Variants in PCDHAC1 observed in about 807,000 individuals in gnomAD.
PCDHAC1 encodes the protein protocadherin alpha subfamily C, 1.
A neutral mutation model predicts 60.0 loss-of-function variants in PCDHAC1; 42 were observed. The ratio of observed to expected loss-of-function variants is 0.70; its 90% CI spans 0.55 to 0.90. The LOEUF (loss-of-function observed/expected upper bound fraction) is 0.90, where lower values mean the gene tolerates loss of function less well. PCDHAC1 is among the 40% of genes least tolerant of loss of function. The probability of loss-of-function intolerance (pLI) is 0.00; values close to 1 mark genes in which losing one functional copy is unlikely to be tolerated. For missense variants in PCDHAC1, 1,160 were observed against 1,222.3 expected (o/e 0.95, Z 0.76); for synonymous variants, 468 against 499.3 (o/e 0.94, Z 0.84).
chr5:140,958,162 C>A lies in PCDHAC1; in HGVS notation c.2434-20787C>A, dbSNP rs574337485. Among the ~76,000 whole-genome samples the A allele has an allele frequency of 1.1e-4, 16 of 152,028 alleles. No homozygotes were observed. The South Asian group carries it at 3.3e-3, about 32-fold the overall frequency. Reference sequence around the variant, plus strand: ...ATATTTATATAGCATAGTCAAAAGCCTGGAGTGATATAAATTTTCTGTTAC... The same window carrying A: ...ATATTTATATAGCATAGTCAAAAGCATGGAGTGATATAAATTTTCTGTTAC... On this transcript the variant is annotated intron_variant, in intron 1 of 3. Coordinates refer to ENST00000253807, the MANE Select transcript of PCDHAC1 (RefSeq NM_018898.5).
rs782226531 is a variant in PCDHAC1, at chr5:140,928,688, A to G, written c.1796A>G (p.His599Arg). 6 of 1,614,004 alleles carry G rather than the reference A, an allele frequency of 3.7e-6. No homozygotes were observed. The African/African-American group carries it at 4.0e-5, about 11-fold the overall frequency. The stretch of plus-strand genomic sequence containing the variant: ...GGTTCTAATGCCTGGCTTTCCTACC[A>G]CATCTCCCGGGCGTCTGACTCTAGT... ...DSGSNAWLSY[H>R]ISRASDSSLF... is the part of the protein sequence containing the mutation. The change falls in exon 1 of 4, where the codon CAC becomes CGC. Residue 599 changes from histidine (H) to arginine (R), a missense_variant. Physicochemically the swap from His to Arg is conservative, Grantham distance 29 (BLOSUM62 0). This residue lies in a region of PCDHAC1 where 1,113 missense variants were observed against 1,163.7 expected (regional missense o/e 0.96). Transcript: ENST00000253807.
intron 1 of PCDHAC1, among the ~76,000 whole-genome samples, chr5:140,956,062 T>G (rs2153708941): frequency 6.6e-6 from 1 of 152,228 alleles, no homozygotes; most frequent in South Asian, 2.1e-4. Flanking sequence ...GACAATGGGG[T>G]TTTCCAGATA....
Position 140,962,743 on chromosome 5 carries a change from A to T in PCDHAC1, c.2434-16206A>T, listed in dbSNP as rs1298793627. 2.0e-5 allele frequency among the ~76,000 whole-genome samples: 3 copies of T among 152,324 alleles called. No individual in the cohort carries two copies. The East Asian group carries it at 5.8e-4, about 29-fold the overall frequency. On this transcript the variant is annotated intron_variant, in intron 1 of 3. Coordinates refer to ENST00000253807, the MANE Select transcript of PCDHAC1 (RefSeq NM_018898.5). Reference sequence around the variant, plus strand: ...ATTTTCCTTCTGGGGATGCATGAAGATCAGGAATCCTATTCGTTTTTAACA... The same window carrying T: ...ATTTTCCTTCTGGGGATGCATGAAGTTCAGGAATCCTATTCGTTTTTAACA...
chr5:140,931,864 T>G (rs1554208617), intron 1 of PCDHAC1, among the ~76,000 whole-genome samples: 1 of 151,976 alleles, frequency 6.6e-6, no homozygotes, highest in African/African-American at 2.4e-5. Flanking sequence ...ATTCTAGAAA[T>G]AAAATATTTA....
chr5:141,006,750 G>A (rs1233243147), intron 3 of PCDHAC1, among the ~76,000 whole-genome samples: 1 of 152,122 alleles, frequency 6.6e-6, no homozygotes, highest in African/African-American at 2.4e-5. Flanking sequence ...TATTATAAAT[G>A]GAGAATGAAG....
intron 2 of PCDHAC1, among the ~76,000 whole-genome samples, chr5:140,979,661 GTCTC>G (rs2096859733): frequency 6.6e-6 from 1 of 152,146 alleles, no homozygotes; most frequent in South Asian, 2.1e-4. Context: ...TCTCTACTTT[GTCTC>G]TCTGACAGTA....
chr5:141,001,401 G>A (rs190876782), intron 3 of PCDHAC1, among the ~76,000 whole-genome samples: 12 of 152,314 alleles, frequency 7.9e-5, no homozygotes, highest in African/African-American at 2.4e-4. Context: ...AGAGAACAGG[G>A]AGTATATTTT....
In PCDHAC1 at chr5:141,009,987, A is replaced by C. The variant is rs2154001821; in HGVS notation, c.*50A>C. The C allele has an allele frequency of 6.3e-7, 1 of 1,580,396 alleles. No individual in the cohort carries two copies. Among genetic ancestry groups the C allele is most frequent in the East Asian group, 2.2e-5 (1 of 44,670 alleles). On this transcript the variant is annotated 3_prime_UTR_variant, in exon 4 of 4. Coordinates refer to ENST00000253807, the MANE Select transcript of PCDHAC1 (RefSeq NM_018898.5). The stretch of plus-strand genomic sequence containing the variant: ...TTAGCCAGTTTTTGTAATAATGGCA[A>C]ATCTCTCCCATGTAGCAATTCCCTG...
In PCDHAC1 at chr5:140,937,565, T is replaced by C. The variant is rs528061401; in HGVS notation, c.2433+8240T>C. ...CTGCGAGGCAGAGGTTGCAGTGAGC[T>C]GGGATCGCGTCACTGCACTCTAGCC... On this transcript the variant is annotated intron_variant, in intron 1 of 3. Transcript: ENST00000253807. Among the ~76,000 whole-genome samples the C allele has an allele frequency of 1.9e-3, 290 of 151,276 alleles. 1 individual carries two copies. The highest frequency in any genetic ancestry group is 6.8e-3 in the African/African-American group (279 of 40,958).
chr5:140,930,055 A>G (rs1249446079), intron 1 of PCDHAC1: 2 of 152,206 alleles, frequency 1.3e-5, no homozygotes, highest in Admixed American at 6.5e-5. Context: ...GTTTTTGCTT[A>G]CACAAAAACT....
intron 1 of PCDHAC1, among the ~76,000 whole-genome samples, chr5:140,941,150 G>A (rs894422349): frequency 1.1e-4 from 17 of 151,436 alleles, no homozygotes; most frequent in Non-Finnish European, 1.8e-4. Context: ...TAGTTTGGAG[G>A]CCCCATAAGA....
Position 140,927,680 on chromosome 5 carries a change from G to T in PCDHAC1, c.788G>T (p.Gly263Val). 1 of 1,614,140 alleles carries T rather than the reference G, an allele frequency of 6.2e-7. No individual in the cohort carries two copies. Among genetic ancestry groups the T allele is most frequent in the Non-Finnish European group, 8.5e-7 (1 of 1,180,016 alleles). The change falls in exon 1 of 4, where the codon GGG becomes GTG. Residue 263 changes from glycine to valine, a missense_variant. This residue lies in a region of PCDHAC1 where 1,113 missense variants were observed against 1,163.7 expected (regional missense o/e 0.96). Transcript: ENST00000253807. ...GTTCAAGCCTTGGATCCAGATGAAGGGTCCAATGGGGAAGTCCAGTACTCC... is the reference window on the plus strand; with the variant it reads ...GTTCAAGCCTTGGATCCAGATGAAGTGTCCAATGGGGAAGTCCAGTACTCC... The part of the protein sequence containing the change: ...FRVQALDPDE[G>V]SNGEVQYSLS...
chr5:140,966,767 A>G, intron 1 of PCDHAC1: 1 of 1,484,362 alleles, frequency 6.7e-7, no homozygotes, highest in Non-Finnish European at 8.9e-7. Context: ...GCCAGTGGCT[A>G]TGGAGCAGGC....
intron 3 of PCDHAC1, among the ~76,000 whole-genome samples, chr5:141,007,792 C>A (rs2098346636): frequency 6.6e-6 from 1 of 152,166 alleles, no homozygotes. Flanking sequence ...TACAAATTAG[C>A]CTTTATCTGC....
At position 140,929,057 on chromosome 5, in the gene PCDHAC1, C is replaced by G. The variant is rs17844370; in HGVS notation, c.2165C>G (p.Thr722Arg). The stretch of plus-strand genomic sequence containing the variant: ...TGCGCTCAGAGCTGCTGTCGCTCTA[C>G]AGAGGATCTGAGGTATGGAAGTAAG... ...GCCAQSCCRSTEDLRYGSKMV... is the reference protein window; with the variant it reads ...GCCAQSCCRSREDLRYGSKMV... The change falls in exon 1 of 4, where the codon ACA (threonine) becomes AGA (arginine). Residue 722 changes from threonine to arginine, a missense_variant. Coordinates refer to ENST00000253807, the MANE Select transcript of PCDHAC1 (RefSeq NM_018898.5). 3 of 1,614,070 alleles carry G rather than the reference C, an allele frequency of 1.9e-6. No individual in the cohort carries two copies. The African/African-American group carries it at 4.0e-5, about 22-fold the overall frequency.
At chr5:140,956,174 C>T (rs1353306679) in intron 1 of PCDHAC1, among the ~76,000 whole-genome samples, 1 of 152,154 alleles carries the variant, frequency 6.6e-6, no homozygotes. Context: ...GCCAGAACTT[C>T]CAATACTATG....
At chr5:140,942,147 T>C (rs2093240437) in intron 1 of PCDHAC1, among the ~76,000 whole-genome samples, 1 of 152,236 alleles carries the variant, frequency 6.6e-6, no homozygotes, top group Non-Finnish European at 1.5e-5. Flanking sequence ...TTACTTGACA[T>C]AAAACAGCTT....
chr5:140,961,263 T>A (rs782231630), intron 1 of PCDHAC1, among the ~76,000 whole-genome samples: 1 of 152,218 alleles, frequency 6.6e-6, no homozygotes, highest in Non-Finnish European at 1.5e-5. Flanking sequence ...TCCAGGAAGC[T>A]TCTTTTTACC....
chr5:140,978,820 TG>T, intron 1 of PCDHAC1, 128 bp from the exon 2 acceptor site: 2 of 1,517,498 alleles, frequency 1.3e-6, no homozygotes, highest in Non-Finnish European at 1.8e-6. Flanking sequence ...GAGTTACACA[TG>T]AAATGGCTCA....
Sources: allele counts gnomAD v4.1 joint callset (sites outside exome capture counted in the v4.1 genomes callset), GRCh38; gene constraint gnomAD v4.1.1; regional missense constraint gnomAD v4.1.1; transcripts MANE v1.5; gene names NCBI Gene and HGNC (gene_info 2026-07-23, HGNC 2026-07-21).